The following GRIP1 variants were observed in gnomAD, a reference collection of about 807,000 sequenced individuals.
GRIP1 encodes the protein glutamate receptor-interacting protein 1.
A neutral mutation model predicts 129.9 loss-of-function variants in GRIP1; 45 were observed. That is an observed-to-expected ratio of 0.35 (90% confidence interval 0.27 to 0.44). The LOEUF is 0.44. GRIP1 is among the 20% of genes least tolerant of loss of function. The pLI is 1.00. For synonymous variants in GRIP1, 530 were observed against 520.8 expected (o/e 1.02, Z -0.24); for missense variants, 1,196 against 1,396.8 (o/e 0.86, Z 2.29).
intron 1 of GRIP1, among the ~76,000 whole-genome samples, chr12:66,948,507 T>C (rs2137479217): frequency 6.6e-6 from 1 of 152,342 alleles, no homozygotes; most frequent in South Asian, 2.1e-4. Flanking sequence ...GCTCATGGAC[T>C]GGCTCATAGA....
chr12:66,582,254 C>T (rs1322921802), intron 2 of GRIP1, among the ~76,000 whole-genome samples: 3 of 145,682 alleles, frequency 2.1e-5, no homozygotes, highest in African/African-American at 7.6e-5. Context: ...TGGGACGTAT[C>T]TCAAAATAAT....
At chr12:66,477,791 T>C (rs1208803007) in intron 7 of GRIP1, among the ~76,000 whole-genome samples, 1 of 143,652 alleles carries the variant, frequency 7.0e-6, no homozygotes, top group Admixed American at 6.9e-5. Context: ...GGATTCCCTA[T>C]TTAACAAATG....
intron 1 of GRIP1, among the ~76,000 whole-genome samples, chr12:66,845,472 A>T (rs923292953): frequency 1.3e-5 from 2 of 152,150 alleles, no homozygotes; most frequent in Non-Finnish European, 2.9e-5. Context: ...ACAAAACAAA[A>T]CAAAAGATAA....
At chr12:66,935,731 G>A (rs971216209) in intron 1 of GRIP1, among the ~76,000 whole-genome samples, 10 of 152,250 alleles carry the variant, frequency 6.6e-5, no homozygotes, top group South Asian at 2.1e-4. Context: ...GTAAAGTGAC[G>A]TACAGGAATC....
intron 6 of GRIP1, among the ~76,000 whole-genome samples, chr12:66,516,312 C>T (rs1277484582): frequency 6.6e-6 from 1 of 152,126 alleles, no homozygotes; most frequent in Non-Finnish European, 1.5e-5. Context: ...AAATGCTATC[C>T]TCCCTGCTGT....
intron 1 of GRIP1, among the ~76,000 whole-genome samples, chr12:67,029,600 C>T (rs1349331647): frequency 7.1e-6 from 1 of 140,620 alleles, no homozygotes; most frequent in African/African-American, 2.6e-5. Context: ...AAAAAAAAAG[C>T]CAAATAATGA....
intron 1 of GRIP1, among the ~76,000 whole-genome samples, chr12:66,769,549 G>C (rs1171784805): frequency 6.6e-6 from 1 of 152,102 alleles, no homozygotes; most frequent in African/African-American, 2.4e-5. Context: ...TTATTCTGTG[G>C]GCCAGGGGAC....
chr12:66,940,112 C>T (rs1352480627), intron 1 of GRIP1, among the ~76,000 whole-genome samples: 2 of 151,994 alleles, frequency 1.3e-5, no homozygotes, highest in Admixed American at 1.3e-4. Context: ...TCTTCAATGG[C>T]ACCACAACAA....
At chr12:66,374,452 T>A (rs1405412880) in intron 22 of GRIP1, among the ~76,000 whole-genome samples, 2 of 152,136 alleles carry the variant, frequency 1.3e-5, no homozygotes, top group Non-Finnish European at 2.9e-5. Flanking sequence ...CCTCCCAAAG[T>A]GCTGGGATTA....
At chr12:66,927,968 A>T (rs2041324152) in intron 1 of GRIP1, among the ~76,000 whole-genome samples, 2 of 152,216 alleles carry the variant, frequency 1.3e-5, no homozygotes, top group Non-Finnish European at 2.9e-5. Context: ...GCAATTAGGG[A>T]CAATTGCTGC....
At chr12:66,762,494 T>C (rs2037506645) in intron 1 of GRIP1, among the ~76,000 whole-genome samples, 1 of 152,256 alleles carries the variant, frequency 6.6e-6, no homozygotes, top group Non-Finnish European at 1.5e-5. Context: ...TTCTCCTTAT[T>C]GTTAATTTCA....
chr12:66,817,237 CACACACAT>C lies in GRIP1; in HGVS notation c.59-220318_59-220311del, dbSNP rs772295429. 7.6e-3 allele frequency among the ~76,000 whole-genome samples: 1,087 copies of C among 143,890 alleles called. 7 individuals carry two copies. Among genetic ancestry groups the C allele is most frequent in the Non-Finnish European group, 0.011 (729 of 66,504 alleles). 94.4% of individuals were successfully genotyped at this position (143,890 alleles called of 152,430 possible). ...ACACACACACACACACACACACACA[CACACACAT>C]ATATATTTCCCACGGACTATTTCAT... On this transcript the variant is annotated intron_variant, in intron 1 of 1. Coordinates refer to the GRIP1 transcript ENST00000643019.
intron 1 of GRIP1, among the ~76,000 whole-genome samples, chr12:66,630,855 A>G (rs961898013): frequency 6.6e-6 from 1 of 152,224 alleles, no homozygotes; most frequent in Non-Finnish European, 1.5e-5. Flanking sequence ...AATAGCCAGA[A>G]AGCATTTCTG....
In GRIP1 at chr12:66,561,104, G is replaced by T. The variant is rs550313827; in HGVS notation, c.137-19154C>A. Among the ~76,000 whole-genome samples, 5 of 152,266 alleles carry T rather than the reference G, an allele frequency of 3.3e-5. No individual in the cohort carries two copies. In the South Asian group the frequency reaches 1.0e-3, roughly 32 times the overall value. On this transcript the variant is annotated intron_variant, in intron 2 of 24. Coordinates refer to ENST00000359742, the MANE Select transcript of GRIP1 (RefSeq NM_001366722.1). ...AGGCACAGAAAGACAAACACATGTT[G>T]TCACTTAATTGTGGGAGCTGAAAAT...
chr12:66,794,230 T>C (rs1278701026), intron 1 of GRIP1, among the ~76,000 whole-genome samples: 2 of 152,188 alleles, frequency 1.3e-5, no homozygotes, highest in Non-Finnish European at 2.9e-5. Flanking sequence ...CCTAATCATT[T>C]CAAATACACG....
rs545832580 is a variant in GRIP1, at chr12:66,718,383, CA to C, written c.-420+85669del. Among the ~76,000 whole-genome samples the C allele has an allele frequency of 1.1e-4, 16 of 152,080 alleles. No homozygotes were observed. In the South Asian group the frequency reaches 3.3e-3, roughly 32 times the overall value. On this transcript the variant is annotated intron_variant, in intron 1 of 4. Coordinates refer to the GRIP1 transcript ENST00000538373. ...TTCAGGGTAATGTTTCTAACAATTTCAAAAATAATAATAACTGGAAATAAAA... is the reference window on the plus strand; with the variant it reads ...TTCAGGGTAATGTTTCTAACAATTTCAAAATAATAATAACTGGAAATAAAA...
At chr12:66,389,252 G>A (rs1251473799) in intron 19 of GRIP1, among the ~76,000 whole-genome samples, 15 of 152,170 alleles carry the variant, frequency 9.9e-5, no homozygotes, top group South Asian at 2.1e-4. Flanking sequence ...TTTTTGAGAC[G>A]TAGTCTTGTT....
At chr12:66,450,888 C>T (rs1487775011) in intron 11 of GRIP1, among the ~76,000 whole-genome samples, 1 of 152,144 alleles carries the variant, frequency 6.6e-6, no homozygotes, top group Non-Finnish European at 1.5e-5. Context: ...GATTATCCTG[C>T]TTCATTAATG....
At chr12:66,428,439 C>A (rs1433536991) in intron 14 of GRIP1, among the ~76,000 whole-genome samples, 1 of 152,122 alleles carries the variant, frequency 6.6e-6, no homozygotes, top group African/African-American at 2.4e-5. Flanking sequence ...TAAAGCAAGC[C>A]TTTGTTCCTG....
Sources: gnomAD v4.1 joint callset for allele counts (sites outside exome capture counted in the v4.1 genomes callset) on GRCh38, gnomAD v4.1.1 for gene constraint, MANE v1.5 for transcripts, NCBI Gene and HGNC (gene_info 2026-07-23, HGNC 2026-07-21) for gene names.